The following CPE variants were observed in gnomAD, a reference collection of about 807,000 sequenced individuals.
CPE encodes the protein carbocypeptidase E.
In CPE, 17 loss-of-function variants were observed where a neutral mutation model predicts 53.5. The observed-to-expected ratio is 0.32, with a 90% CI of 0.22 to 0.48. The LOEUF (loss-of-function observed/expected upper bound fraction) is 0.48. Among genes scored for constraint, CPE ranks in the 20% least tolerant of loss-of-function variants. CPE has a pLI of 0.99. For missense variants in CPE, 524 were observed against 614.7 expected, an observed-to-expected ratio of 0.85 and a Z score of 1.56; for synonymous variants, 226 against 228.8, an observed-to-expected ratio of 0.99 and a Z score of 0.11.
intron 1 of CPE, among the ~76,000 whole-genome samples, chr4:165,444,490 C>A (rs1289132837): frequency 6.8e-6 from 1 of 146,616 alleles, no homozygotes; most frequent in Admixed American, 6.9e-5. Flanking sequence ...GATGAAACCA[C>A]ATCTCTACTG....
chr4:165,470,154 A>G (rs914709122), intron 3 of CPE, among the ~76,000 whole-genome samples: 1 of 152,196 alleles, frequency 6.6e-6, no homozygotes, highest in African/African-American at 2.4e-5. Flanking sequence ...AGTTTATTAA[A>G]AAGTTTAGAG....
intron 1 of CPE, among the ~76,000 whole-genome samples, chr4:165,393,103 A>C (rs756872830): frequency 4.5e-4 from 69 of 152,232 alleles, no homozygotes; most frequent in Non-Finnish European, 9.1e-4. Context: ...AGTTAAGTAT[A>C]GTTCAATTAG....
intron 1 of CPE, among the ~76,000 whole-genome samples, chr4:165,447,063 T>G (rs1362329333): frequency 1.3e-5 from 2 of 152,296 alleles, no homozygotes; most frequent in Admixed American, 6.5e-5. Flanking sequence ...TGGTAAGCAT[T>G]TGTATATCTA....
chr4:165,442,412 TC>T (rs2126686388), intron 1 of CPE, among the ~76,000 whole-genome samples: 1 of 152,244 alleles, frequency 6.6e-6, no homozygotes, highest in South Asian at 2.1e-4. Context: ...CAGTACTACT[TC>T]CATATTTCCT....
chr4:165,468,976 G>A (rs970666568), intron 3 of CPE, among the ~76,000 whole-genome samples: 2 of 152,172 alleles, frequency 1.3e-5, no homozygotes, highest in Admixed American at 1.3e-4. Flanking sequence ...TGACCTCTCT[G>A]TGCTTCAGGT....
chr4:165,434,130 A>C (rs1326638845), intron 1 of CPE, among the ~76,000 whole-genome samples: 2 of 149,060 alleles, frequency 1.3e-5, no homozygotes, highest in African/African-American at 5.0e-5. Context: ...TTTTTCATTT[A>C]TCTCAACTTT....
intron 1 of CPE, among the ~76,000 whole-genome samples, chr4:165,440,165 A>C (rs771307930): frequency 2.0e-5 from 3 of 152,118 alleles, no homozygotes; most frequent in Non-Finnish European, 2.9e-5. Flanking sequence ...TAGGTTCCCA[A>C]CATGCCGCTC....
At chr4:165,414,505 A>G (rs367678876) in intron 1 of CPE, among the ~76,000 whole-genome samples, 1 of 152,194 alleles carries the variant, frequency 6.6e-6, no homozygotes, top group East Asian at 1.9e-4. Flanking sequence ...TGATGCAGTC[A>G]GGAAGCTTGG....
Position 165,448,575 on chromosome 4 carries a change from T to A in CPE, c.308-15815T>A, listed in dbSNP as rs573458369. Among the ~76,000 whole-genome samples, 125 of 151,634 alleles carry A rather than the reference T, an allele frequency of 8.2e-4. 1 individual carries two copies. The highest frequency in any genetic ancestry group is 2.8e-3 in the African/African-American group (117 of 41,286). ...GGGCATGGGAGCCATAAGAAGGAGGTCCCTAACATGTACAACCACTGCTGG... is the reference window on the plus strand; with the variant it reads ...GGGCATGGGAGCCATAAGAAGGAGGACCCTAACATGTACAACCACTGCTGG... On this transcript the variant is annotated intron_variant, in intron 1 of 8. Transcript: ENST00000402744.
intron 1 of CPE, among the ~76,000 whole-genome samples, chr4:165,398,623 G>A (rs1436240503): frequency 6.6e-6 from 1 of 152,180 alleles, no homozygotes. Flanking sequence ...AAAGTATCTG[G>A]TGATCATAGT....
chr4:165,382,111 G>A (rs149450800), intron 1 of CPE, among the ~76,000 whole-genome samples: 1 of 144,030 alleles, frequency 6.9e-6, no homozygotes, highest in African/African-American at 2.6e-5. Context: ...AGTAAGGTCA[G>A]CAGGTCAGGG....
intron 1 of CPE, among the ~76,000 whole-genome samples, chr4:165,435,049 G>GC (rs1303458799): frequency 1.3e-5 from 2 of 152,188 alleles, no homozygotes; most frequent in Non-Finnish European, 2.9e-5. Flanking sequence ...AGTGGAAGCA[G>GC]CCTGAAGCCC....
chr4:165,484,366 A>G, intron 4 of CPE, 56 bp from the exon 5 acceptor site: 3 of 1,507,516 alleles, frequency 2.0e-6, no homozygotes, highest in Non-Finnish European at 2.7e-6. Flanking sequence ...TTTAGAAAAC[A>G]TGCTGTGCTG....
intron 1 of CPE, among the ~76,000 whole-genome samples, chr4:165,417,319 G>C (rs1398468039): frequency 6.6e-6 from 1 of 152,112 alleles, no homozygotes; most frequent in African/African-American, 2.4e-5. Context: ...AATTCCCTTG[G>C]TATTATTGAA....
At chr4:165,422,668 C>T (rs1455881223) in intron 1 of CPE, among the ~76,000 whole-genome samples, 2 of 152,046 alleles carry the variant, frequency 1.3e-5, no homozygotes, top group Non-Finnish European at 2.9e-5. Context: ...AATGAGACGT[C>T]AATCAATATG....
At chr4:165,395,452 A>G (rs1056716296) in intron 1 of CPE, among the ~76,000 whole-genome samples, 2 of 152,178 alleles carry the variant, frequency 1.3e-5, no homozygotes, top group Non-Finnish European at 2.9e-5. Flanking sequence ...GCCAAGGGTC[A>G]ATGCACAGTA....
intron 1 of CPE, among the ~76,000 whole-genome samples, chr4:165,388,390 A>G (rs1730632095): frequency 6.6e-6 from 1 of 152,252 alleles, no homozygotes; most frequent in African/African-American, 2.4e-5. Flanking sequence ...TTAACTTTCC[A>G]AGATGAAAAT....
intron 1 of CPE, among the ~76,000 whole-genome samples, chr4:165,380,186 G>C (rs997132468): frequency 6.6e-6 from 1 of 152,118 alleles, no homozygotes; most frequent in Non-Finnish European, 1.5e-5. Flanking sequence ...ATAAAGATAC[G>C]TTGGTGCCCC....
chr4:165,475,486 C>A (rs1318558566), intron 3 of CPE, among the ~76,000 whole-genome samples: 1 of 152,116 alleles, frequency 6.6e-6, no homozygotes, highest in Non-Finnish European at 1.5e-5. Context: ...GAGCCATGGG[C>A]ACACAAATAA....
Sources: allele counts gnomAD v4.1 joint callset (sites outside exome capture counted in the v4.1 genomes callset), GRCh38; gene constraint gnomAD v4.1.1; transcripts MANE v1.5; gene names NCBI Gene and HGNC (gene_info 2026-07-23, HGNC 2026-07-21).